The following CSMD3 variants were observed in gnomAD, a reference collection of about 807,000 sequenced individuals.
CSMD3 encodes CUB and sushi domain-containing protein 3.
A neutral mutation model predicts 435.2 loss-of-function variants in CSMD3; 177 were observed. The observed-to-expected ratio is 0.41, with a 90% CI of 0.36 to 0.46. CSMD3 has a LOEUF of 0.46. Among genes scored for constraint, CSMD3 ranks in the 20% least tolerant of loss-of-function variants. The pLI, the probability that CSMD3 is intolerant of heterozygous loss-of-function variation, is 0.34. For missense variants in CSMD3, 4,265 were observed against 4,504.6 expected, an observed-to-expected ratio of 0.95 and a Z score of 1.52; for synonymous variants, 1,656 against 1,520.5, an observed-to-expected ratio of 1.09 and a Z score of -2.07.
intron 28 of CSMD3, among the ~76,000 whole-genome samples, chr8:112,515,407 T>G (rs983335600): frequency 2.0e-5 from 3 of 152,164 alleles, no homozygotes; most frequent in Non-Finnish European, 4.4e-5. Context: ...TTAATTTAGT[T>G]GAAAATTTTT....
intron 1 of CSMD3, among the ~76,000 whole-genome samples, chr8:113,434,508 A>G (rs2094693292): frequency 6.6e-6 from 1 of 152,240 alleles, no homozygotes; most frequent in South Asian, 2.1e-4. Context: ...GGTCTAAAAC[A>G]TAAAACCTAT....
At chr8:112,319,504 A>G (rs527329777) in intron 46 of CSMD3, among the ~76,000 whole-genome samples, 1 of 152,142 alleles carries the variant, frequency 6.6e-6, no homozygotes. Flanking sequence ...ATTTTCCAAG[A>G]TATGGAAATG....
intron 4 of CSMD3, among the ~76,000 whole-genome samples, chr8:113,107,367 A>G (rs1202623170): frequency 3.3e-5 from 5 of 152,172 alleles, no homozygotes; most frequent in Non-Finnish European, 7.3e-5. Flanking sequence ...TTGGCCTCCA[A>G]AAGTGCTGGG....
At chr8:112,271,981 G>A (rs921237026) in intron 59 of CSMD3, among the ~76,000 whole-genome samples, 6 of 152,158 alleles carry the variant, frequency 3.9e-5, no homozygotes, top group African/African-American at 1.2e-4. Context: ...AAGTGTGGGA[G>A]GGAACTATTA....
At chr8:112,843,895 T>G (rs1266648700) in intron 11 of CSMD3, among the ~76,000 whole-genome samples, 1 of 151,780 alleles carries the variant, frequency 6.6e-6, no homozygotes, top group Admixed American at 6.6e-5. Context: ...TATATTAATA[T>G]TATTATTTGT....
At chr8:112,986,067 T>C (rs987552570) in intron 6 of CSMD3, among the ~76,000 whole-genome samples, 1 of 152,144 alleles carries the variant, frequency 6.6e-6, no homozygotes, top group African/African-American at 2.4e-5. Flanking sequence ...AAGACAAACA[T>C]TTAACTGCTT....
intron 3 of CSMD3, among the ~76,000 whole-genome samples, chr8:113,230,375 A>G (rs16884460): frequency 0.37 from 55,779 of 151,288 alleles, 11,122 homozygotes; most frequent in African/African-American, 0.52. Context: ...AATAATTTTT[A>G]TGTTGCCTTT....
At chr8:112,924,280 T>A (rs1051284490) in intron 9 of CSMD3, among the ~76,000 whole-genome samples, 1 of 152,174 alleles carries the variant, frequency 6.6e-6, no homozygotes, top group Non-Finnish European at 1.5e-5. Flanking sequence ...ATCCGAGTTT[T>A]CATGGAGATG....
intron 21 of CSMD3, among the ~76,000 whole-genome samples, chr8:112,638,412 T>C (rs1204798718): frequency 6.6e-6 from 1 of 151,000 alleles, no homozygotes; most frequent in Non-Finnish European, 1.5e-5. Context: ...TGACCTTTGT[T>C]AGAATTTTTC....
intron 9 of CSMD3, among the ~76,000 whole-genome samples, chr8:112,922,107 G>A (rs2082761954): frequency 6.6e-6 from 1 of 152,042 alleles, no homozygotes; most frequent in African/African-American, 2.4e-5. Flanking sequence ...GTTTGCAGAT[G>A]TGTCTCTACA....
intron 32 of CSMD3, 35 bp from the exon 33 acceptor site, chr8:112,409,067 A>G (rs1269970017): frequency 4.3e-6 from 7 of 1,613,048 alleles, no homozygotes; most frequent in Non-Finnish European, 5.9e-6. Context: ...CAAACAAATC[A>G]CCAACCATCC....
chr8:112,528,647 C>T (rs1318273375), intron 27 of CSMD3, among the ~76,000 whole-genome samples: 6 of 152,122 alleles, frequency 3.9e-5, no homozygotes, highest in Non-Finnish European at 8.8e-5. Context: ...AAATCATCGA[C>T]AAATTTCCTT....
intron 4 of CSMD3, among the ~76,000 whole-genome samples, chr8:113,171,796 T>TAC (rs1329953917): frequency 1.3e-5 from 2 of 152,194 alleles, no homozygotes; most frequent in African/African-American, 4.8e-5. Flanking sequence ...TGAGCACAGG[T>TAC]ACCAGTTATC....
At chr8:112,908,267 T>C (rs147417552) in intron 10 of CSMD3, among the ~76,000 whole-genome samples, 1 of 151,632 alleles carries the variant, frequency 6.6e-6, no homozygotes, top group Non-Finnish European at 1.5e-5. Context: ...CTGGGTCATA[T>C]GTGTATACAT....
At chr8:112,239,299 A>G (rs893659008) in intron 66 of CSMD3, among the ~76,000 whole-genome samples, 1 of 152,094 alleles carries the variant, frequency 6.6e-6, no homozygotes, top group Non-Finnish European at 1.5e-5. Flanking sequence ...AATTTAATTC[A>G]GCTAAACTTT....
At chr8:112,599,742 C>T (rs1832136469) in intron 22 of CSMD3, among the ~76,000 whole-genome samples, 1 of 151,102 alleles carries the variant, frequency 6.6e-6, no homozygotes, top group Non-Finnish European at 1.5e-5. Flanking sequence ...AATTGGAAAT[C>T]ATCATTCTCA....
chr8:112,576,269 A>C (rs2131312397), intron 23 of CSMD3, among the ~76,000 whole-genome samples: 1 of 152,218 alleles, frequency 6.6e-6, no homozygotes, highest in South Asian at 2.1e-4. Flanking sequence ...CTTCAGGAGT[A>C]ATGAAAAGCA....
chr8:112,711,987 G>A (rs1231135481), intron 13 of CSMD3, among the ~76,000 whole-genome samples: 1 of 152,144 alleles, frequency 6.6e-6, no homozygotes. Flanking sequence ...GCTACTGGCG[G>A]TATGTGGACT....
In CSMD3 at chr8:112,525,162, C is replaced by T. The variant is rs556986860; in HGVS notation, c.4565-7937G>A. On this transcript the variant is annotated intron_variant, in intron 27 of 70. Coordinates refer to ENST00000297405, the MANE Select transcript of CSMD3 (RefSeq NM_198123.2). ...TTATTTTTATTTTCATTAAGCAGTA[C>T]GTAAACATTTCAGCTCAAATATTTT... is the stretch of plus-strand genomic sequence containing the variant. 5.9e-5 allele frequency among the ~76,000 whole-genome samples: 9 copies of T among 151,624 alleles called. No individual in the cohort carries two copies. In the South Asian group the frequency reaches 1.7e-3, roughly 28 times the overall value.
Sources: gnomAD v4.1 joint callset for allele counts (sites outside exome capture counted in the v4.1 genomes callset) on GRCh38, gnomAD v4.1.1 for gene constraint, MANE v1.5 for transcripts, NCBI Gene and HGNC (gene_info 2026-07-23, HGNC 2026-07-21) for gene names.